The following FBXL17 variants were observed in gnomAD, a reference collection of about 807,000 sequenced individuals.
FBXL17 encodes F-box and leucine rich repeat protein 17, also known as F-box/LRR-repeat protein 17.
A neutral mutation model predicts 66.2 loss-of-function variants in FBXL17; 22 were observed. The ratio of observed to expected loss-of-function variants is 0.33; its 90% CI spans 0.24 to 0.47. The LOEUF (loss-of-function observed/expected upper bound fraction) is 0.47, where lower values mean the gene tolerates loss of function less well. Among genes scored for constraint, FBXL17 ranks in the 20% least tolerant of loss-of-function variants. The pLI, the probability that FBXL17 is intolerant of heterozygous loss-of-function variation, is 1.00. For synonymous variants in FBXL17, 474 were observed against 400.5 expected (o/e 1.18, Z -2.19); for missense variants, 878 against 948.2 (o/e 0.93, Z 0.97).
At chr5:108,116,425 G>A (rs962083493) in intron 6 of FBXL17, among the ~76,000 whole-genome samples, 3 of 151,412 alleles carry the variant, frequency 2.0e-5, no homozygotes, top group Non-Finnish European at 4.4e-5. Context: ...GGATCATGAG[G>A]TCAAGAGATC....
chr5:107,984,778 C>G (rs1244628623), intron 7 of FBXL17, among the ~76,000 whole-genome samples: 1 of 152,116 alleles, frequency 6.6e-6, no homozygotes, highest in East Asian at 1.9e-4. Flanking sequence ...TTGAGAAATA[C>G]TATTAAATAC....
intron 5 of FBXL17, among the ~76,000 whole-genome samples, chr5:108,200,364 AAAG>A (rs919046730): frequency 2.0e-5 from 3 of 152,088 alleles, no homozygotes; most frequent in Non-Finnish European, 2.9e-5. Context: ...AAGCAAAAGA[AAAG>A]AAGGAGGAAG....
At chr5:108,235,529 GCCA>G (rs1407047463) in intron 4 of FBXL17, among the ~76,000 whole-genome samples, 2 of 152,140 alleles carry the variant, frequency 1.3e-5, no homozygotes, top group East Asian at 3.9e-4. Context: ...CATTCTTGAT[GCCA>G]CCAATCTATT....
chr5:108,071,532 T>C (rs1184605715), intron 6 of FBXL17, among the ~76,000 whole-genome samples: 4 of 152,174 alleles, frequency 2.6e-5, no homozygotes, highest in Non-Finnish European at 1.5e-5. Flanking sequence ...CTTAATTCCA[T>C]GTCAATTCCC....
chr5:107,981,546 G>A (rs13178396), intron 7 of FBXL17, among the ~76,000 whole-genome samples: 15,241 of 152,246 alleles, frequency 0.1, 864 homozygotes, highest in Non-Finnish European at 0.13. Flanking sequence ...GGACTGACGA[G>A]GTCATCATCA....
chr5:108,328,974 C>CA (rs1292662408), intron 4 of FBXL17, among the ~76,000 whole-genome samples: 4 of 152,062 alleles, frequency 2.6e-5, no homozygotes, highest in African/African-American at 9.7e-5. Flanking sequence ...AAGGGTCACT[C>CA]AACTAAGAGA....
At chr5:108,119,974 G>C (rs558781088) in intron 6 of FBXL17, among the ~76,000 whole-genome samples, 20 of 152,342 alleles carry the variant, frequency 1.3e-4, no homozygotes, top group African/African-American at 4.8e-4. Flanking sequence ...TTGCTTCATA[G>C]TGTGCATTCA....
chr5:108,033,074 T>C (rs1339111547), intron 6 of FBXL17, among the ~76,000 whole-genome samples: 1 of 152,204 alleles, frequency 6.6e-6, no homozygotes, highest in African/African-American at 2.4e-5. Flanking sequence ...AAAGACTCAT[T>C]TTCCTCTGAT....
chr5:108,042,923 A>G (rs1035294705), intron 6 of FBXL17, among the ~76,000 whole-genome samples: 4 of 152,124 alleles, frequency 2.6e-5, no homozygotes, highest in Non-Finnish European at 5.9e-5. Flanking sequence ...TTTTTTTACC[A>G]TTCTGATTGT....
At chr5:108,081,539 G>A (rs1748764947) in intron 6 of FBXL17, among the ~76,000 whole-genome samples, 1 of 151,994 alleles carries the variant, frequency 6.6e-6, no homozygotes, top group Non-Finnish European at 1.5e-5. Flanking sequence ...GGCTAACACG[G>A]TGAAACCCCG....
Position 108,041,800 on chromosome 5 carries a change from A to G in FBXL17, c.1746-20799T>C, listed in dbSNP as rs151316764. ...AATTTCGAGAAATACAAAAAAGTTG[A>G]AAGAATTTTATAGTAAACACCATTA... On this transcript the variant is annotated intron_variant, in intron 6 of 8. Transcript: ENST00000542267. Among the ~76,000 whole-genome samples the G allele has an allele frequency of 1.0e-3, 152 of 152,280 alleles. 1 individual carries two copies. The highest frequency in any genetic ancestry group is 3.6e-3 in the African/African-American group (151 of 41,542).
intron 6 of FBXL17, among the ~76,000 whole-genome samples, chr5:108,059,875 C>A (rs1183579590): frequency 6.6e-6 from 1 of 151,878 alleles, no homozygotes; most frequent in African/African-American, 2.4e-5. Flanking sequence ...TGTTTTTCAT[C>A]ATACCTACAT....
In FBXL17 at chr5:108,009,280, T is replaced by TAGATAGATAGATAG. The variant is rs1317627226; in HGVS notation, c.1822+11644_1822+11645insCTATCTATCTATCT. ...CCTGTTTTATATATATATATATATA[T>TAGATAGATAGATAG]ATATATATATATATATATATACATA... is the stretch of plus-strand genomic sequence containing the variant. On this transcript the variant is annotated intron_variant, in intron 7 of 8. Transcript: ENST00000542267. Among the ~76,000 whole-genome samples the TAGATAGATAGATAG allele has an allele frequency of 8.4e-4, 19 of 22,716 alleles. 1 individual carries two copies. The highest frequency in any genetic ancestry group is 1.7e-3 in the African/African-American group (11 of 6,346). 14.9% of individuals were successfully genotyped at this position (22,716 alleles called of 152,430 possible). A position where few individuals can be genotyped will look rare whatever the true frequency, so the allele number is the denominator to read the frequency against.
intron 6 of FBXL17, among the ~76,000 whole-genome samples, chr5:108,055,280 G>GAAAAAAAAAAAAAA (rs1000211060): frequency 1.7e-4 from 4 of 23,700 alleles, no homozygotes; most frequent in Non-Finnish European, 2.4e-4. Flanking sequence ...AGAATTTTTA[G>GAAAAAAAAAAAAAA]AAAAAAAAAA....
chr5:108,124,303 C>G (rs1750614363), intron 6 of FBXL17, among the ~76,000 whole-genome samples: 2 of 151,736 alleles, frequency 1.3e-5, no homozygotes, highest in Non-Finnish European at 2.9e-5. Flanking sequence ...AAAAAAGAAC[C>G]AGAGTGATGC....
chr5:108,274,871 A>C (rs1327163399), intron 4 of FBXL17, among the ~76,000 whole-genome samples: 2 of 152,186 alleles, frequency 1.3e-5, no homozygotes, highest in African/African-American at 4.8e-5. Context: ...TTTTACATTT[A>C]TTACAATATT....
chr5:107,912,773 G>A (rs955104678), intron 7 of FBXL17, among the ~76,000 whole-genome samples: 2 of 152,042 alleles, frequency 1.3e-5, no homozygotes, highest in Non-Finnish European at 2.9e-5. Context: ...AGGTTTTTAC[G>A]GGACAATGTA....
intron 7 of FBXL17, among the ~76,000 whole-genome samples, chr5:107,890,076 G>A (rs1204087046): frequency 6.6e-6 from 1 of 152,042 alleles, no homozygotes; most frequent in African/African-American, 2.4e-5. Flanking sequence ...TGTAACATTC[G>A]CTGAGAACCT....
At chr5:108,183,034 A>ATTTTTTTTTTTT (rs34101023) in intron 6 of FBXL17, among the ~76,000 whole-genome samples, 1 of 91,554 alleles carries the variant, frequency 1.1e-5, no homozygotes. Context: ...ACAGTTTTCT[A>ATTTTTTTTTTTT]TTTTTTTTTT....
Sources: allele counts gnomAD v4.1 joint callset (sites outside exome capture counted in the v4.1 genomes callset), GRCh38; gene constraint gnomAD v4.1.1; transcripts MANE v1.5; gene names NCBI Gene and HGNC (gene_info 2026-07-23, HGNC 2026-07-21).